SCN11A: variants seen among roughly 807,000 people sequenced by gnomAD.
SCN11A encodes the protein sodium channel protein type 11 subunit alpha.
SCN11A carries 122 observed loss-of-function variants against 162.2 expected under a neutral mutation model. The ratio of observed to expected loss-of-function variants is 0.75; its 90% CI spans 0.65 to 0.87. SCN11A has a LOEUF of 0.87. SCN11A is among the 40% of genes least tolerant of loss of function. SCN11A has a pLI of 0.00. For synonymous variants in SCN11A, 758 were observed against 751.5 expected, an observed-to-expected ratio of 1.01 and a Z score of -0.14; for missense variants, 2,015 against 2,181.6, an observed-to-expected ratio of 0.92 and a Z score of 1.52.
chr3:39,012,685 G>A (rs973060313), intron 2 of SCN11A, among the ~76,000 whole-genome samples: 2 of 152,094 alleles, frequency 1.3e-5, no homozygotes, highest in Non-Finnish European at 2.9e-5. Context: ...ATGTTGGCCA[G>A]GCTGGTCTCA....
At chr3:38,848,253 C>T (rs755140342) in intron 29 of SCN11A, among the ~76,000 whole-genome samples, 3 of 152,204 alleles carry the variant, frequency 2.0e-5, no homozygotes, top group Non-Finnish European at 2.9e-5. Flanking sequence ...CCTAAAATGT[C>T]GCCCTGCCTG....
At chr3:38,870,936 C>T (rs1398967614) in intron 25 of SCN11A, among the ~76,000 whole-genome samples, 192 bp from the exon 26 acceptor site, 1 of 152,126 alleles carries the variant, frequency 6.6e-6, no homozygotes, top group Admixed American at 6.5e-5. Context: ...TTTTTTTCTT[C>T]TTCTTCATTT....
chr3:38,931,885 AC>A (rs2066246658), intron 7 of SCN11A, among the ~76,000 whole-genome samples: 1 of 152,210 alleles, frequency 6.6e-6, no homozygotes, highest in Non-Finnish European at 1.5e-5. Context: ...CATTCCATTC[AC>A]AAGAAGCTTC....
At chr3:38,850,889 A>G in intron 28 of SCN11A, 138 bp from the exon 29 acceptor site, 1 of 617,690 alleles carries the variant, frequency 1.6e-6, no homozygotes, top group African/African-American at 1.9e-5. Flanking sequence ...ACCCTTTTCA[A>G]AGGGCAAGAA....
At chr3:38,921,304 C>T in intron 9 of SCN11A, 49 bp from the exon 10 acceptor site, 1 of 1,578,772 alleles carries the variant, frequency 6.3e-7, no homozygotes. Context: ...CTCAGCCAGA[C>T]ACTCACAAAG....
chr3:38,880,856 G>C (rs1163132406), intron 22 of SCN11A, among the ~76,000 whole-genome samples: 1 of 152,150 alleles, frequency 6.6e-6, no homozygotes, highest in Non-Finnish European at 1.5e-5. Flanking sequence ...ATTCTACAGG[G>C]TCTATATAAC....
intron 2 of SCN11A, among the ~76,000 whole-genome samples, chr3:39,009,786 C>T (rs1035108291): frequency 2.7e-5 from 4 of 150,828 alleles, no homozygotes; most frequent in Non-Finnish European, 2.9e-5. Flanking sequence ...AAGTGATCCT[C>T]CCACCTCAGT....
chr3:38,856,007 G>C (rs1418857052), intron 28 of SCN11A, among the ~76,000 whole-genome samples: 1 of 152,184 alleles, frequency 6.6e-6, no homozygotes, highest in Non-Finnish European at 1.5e-5. Context: ...CATCCCTAGG[G>C]AAGGGGGAGT....
chr3:38,863,402 C>A, intron 27 of SCN11A, 103 bp from the exon 28 acceptor site: 1 of 633,576 alleles, frequency 1.6e-6, no homozygotes, highest in South Asian at 2.0e-5. Context: ...TTTCTATTAA[C>A]AATTCTTAAA....
chr3:38,901,728 G>C (rs955282534), intron 16 of SCN11A, among the ~76,000 whole-genome samples: 1 of 152,314 alleles, frequency 6.6e-6, no homozygotes. Context: ...TACCATGGGA[G>C]CAGTAAATAG....
intron 23 of SCN11A, among the ~76,000 whole-genome samples, chr3:38,876,710 G>A (rs1343040625): frequency 6.6e-6 from 1 of 151,888 alleles, no homozygotes; most frequent in Non-Finnish European, 1.5e-5. Context: ...GATAGATGTT[G>A]GCGTGGATGT....
chr3:38,983,699 G>A (rs1455409032), intron 2 of SCN11A, among the ~76,000 whole-genome samples: 5 of 152,202 alleles, frequency 3.3e-5, no homozygotes, highest in Admixed American at 3.3e-4. Context: ...AGTTGCTAAT[G>A]ACTCTTAAGT....
intron 2 of SCN11A, among the ~76,000 whole-genome samples, chr3:39,020,354 A>C (rs1300730451): frequency 6.6e-6 from 1 of 152,208 alleles, no homozygotes; most frequent in African/African-American, 2.4e-5. Context: ...CCAACTCCAT[A>C]TTCCTTTGTC....
In SCN11A at chr3:38,909,155, TGAA is replaced by T. The variant is rs771345700; in HGVS notation, c.1138_1140del (p.Phe380del). ...AAGGAGCCCAGGAAAATGACCACAA[TGAA>T]GAAGAAGACTGAGTAGAGCCCAGTA... On this transcript the variant is annotated inframe_deletion, in exon 13 of 30. Coordinates refer to ENST00000302328, the MANE Select transcript of SCN11A (RefSeq NM_001349253.2). 2.2e-5 allele frequency: 35 copies of T among 1,613,952 alleles called. No homozygotes were observed. Among genetic ancestry groups the T allele is most frequent in the Middle Eastern group, 1.6e-4 (1 of 6,082 alleles).
intron 12 of SCN11A, 57 bp downstream of exon 12, chr3:38,910,009 G>A: frequency 6.6e-7 from 1 of 1,526,406 alleles, no homozygotes. Context: ...TGATAGAGGG[G>A]GAAGGAAAAG....
chr3:38,855,091 T>C (rs2064845641), intron 28 of SCN11A, among the ~76,000 whole-genome samples: 1 of 152,202 alleles, frequency 6.6e-6, no homozygotes, highest in Non-Finnish European at 1.5e-5. Context: ...CTGAAAGCCA[T>C]GCTTGCTTTG....
Position 38,894,551 on chromosome 3 carries a change from T to C in SCN11A, c.2817A>G (p.Gln939=), listed in dbSNP as rs1251675151. The C allele has an allele frequency of 1.9e-6, 3 of 1,608,770 alleles. No homozygotes were observed. Among genetic ancestry groups the C allele is most frequent in the Non-Finnish European group, 2.5e-6 (3 of 1,177,554 alleles). Residue 939 remains glutamine (Q), a synonymous_variant, in exon 19 of 30, where the codon CAA becomes CAG. Transcript: ENST00000302328. ...TTCATACCTGTTGTTCAGGCTCAGG[T>C]TGTGTGATGCGCTGTGCATTATCTT... The part of the protein sequence containing the change: ...SGEDNAQRIT[Q]PEPEQQAYEL...
chr3:38,951,559 G>A (rs1378604572), intron 4 of SCN11A, among the ~76,000 whole-genome samples: 1 of 152,262 alleles, frequency 6.6e-6, no homozygotes, highest in Non-Finnish European at 1.5e-5. Flanking sequence ...GGACTGGCAG[G>A]CAGCTCCACC....
intron 2 of SCN11A, among the ~76,000 whole-genome samples, chr3:38,967,609 T>C (rs2066791017): frequency 6.6e-6 from 1 of 152,162 alleles, no homozygotes; most frequent in Non-Finnish European, 1.5e-5. Context: ...AAAAGCCAAG[T>C]GAAGCAAGGC....
Sources: gnomAD v4.1 joint callset for allele counts (sites outside exome capture counted in the v4.1 genomes callset) on GRCh38, gnomAD v4.1.1 for gene constraint, MANE v1.5 for transcripts, NCBI Gene and HGNC (gene_info 2026-07-23, HGNC 2026-07-21) for gene names.